HDAC9: variants seen among roughly 807,000 people sequenced by gnomAD.
HDAC9 encodes MEF-2 interacting transcription repressor (MITR) protein.
Under a neutral mutation model 139.4 loss-of-function variants are expected in HDAC9, and 41 were observed. The observed-to-expected ratio is 0.29, with a 90% confidence interval of 0.23 to 0.38. HDAC9 has a LOEUF of 0.38. HDAC9 is among the 10% of genes least tolerant of loss of function. The pLI is 1.00. For synonymous variants in HDAC9, 517 were observed against 476.2 expected (o/e 1.09, Z -1.12); for missense variants, 1,147 against 1,297.0 (o/e 0.88, Z 1.78).
intron 6 of HDAC9, among the ~76,000 whole-genome samples, chr7:18,628,602 G>A (rs1195342225): frequency 6.6e-6 from 1 of 152,090 alleles, no homozygotes; most frequent in Non-Finnish European, 1.5e-5. Context: ...GTGAAGCTCT[G>A]TAATAAGCTT....
intron 1 of HDAC9, among the ~76,000 whole-genome samples, chr7:18,386,108 A>T (rs1374757740): frequency 6.6e-6 from 1 of 152,150 alleles, no homozygotes; most frequent in East Asian, 1.9e-4. Flanking sequence ...CTCTCTGGTG[A>T]AAGCCATTCA....
chr7:18,181,531 G>C (rs189118544), intron 2 of HDAC9, among the ~76,000 whole-genome samples: 4 of 152,308 alleles, frequency 2.6e-5, no homozygotes, highest in Admixed American at 6.5e-5. Context: ...GTGTAGTGTA[G>C]CCTGTGGACC....
At chr7:18,094,126 G>A (rs949615387) in intron 1 of HDAC9, among the ~76,000 whole-genome samples, 1 of 152,154 alleles carries the variant, frequency 6.6e-6, no homozygotes, top group Non-Finnish European at 1.5e-5. Context: ...CACACCTATG[G>A]ACTACTCCAC....
chr7:18,189,274 GT>G (rs1790152020), intron 2 of HDAC9, among the ~76,000 whole-genome samples: 1 of 150,590 alleles, frequency 6.6e-6, no homozygotes, highest in Non-Finnish European at 1.5e-5. Flanking sequence ...GTTCTCACTC[GT>G]AAGCAGGAGT....
At chr7:18,158,673 A>G (rs1339799838) in intron 1 of HDAC9, among the ~76,000 whole-genome samples, 1 of 152,148 alleles carries the variant, frequency 6.6e-6, no homozygotes, top group African/African-American at 2.4e-5. Flanking sequence ...CAGAAGAGAT[A>G]CTCCATGTGC....
chr7:18,472,846 GC>G (rs1197672287), intron 1 of HDAC9, among the ~76,000 whole-genome samples: 1 of 152,164 alleles, frequency 6.6e-6, no homozygotes, highest in Non-Finnish European at 1.5e-5. Context: ...TAGAGTGTAT[GC>G]CCCAGGAGGG....
At chr7:18,265,411 G>C (rs190574772) in intron 2 of HDAC9, among the ~76,000 whole-genome samples, 5 of 152,192 alleles carry the variant, frequency 3.3e-5, no homozygotes, top group African/African-American at 1.2e-4. Flanking sequence ...TATTTAGAAC[G>C]CCAGAGTACC....
upstream of HDAC9, among the ~76,000 whole-genome samples, chr7:18,289,187 T>C (rs1213546195): frequency 6.6e-6 from 1 of 152,152 alleles, no homozygotes; most frequent in Non-Finnish European, 1.5e-5. Context: ...AATTGTGCAG[T>C]TTTTGTTCTT....
chr7:18,787,566 A>T (rs1045849410), intron 16 of HDAC9, among the ~76,000 whole-genome samples: 1 of 152,234 alleles, frequency 6.6e-6, no homozygotes, highest in Non-Finnish European at 1.5e-5. Flanking sequence ...TACTGTTTTT[A>T]GAATGGTACA....
intron 22 of HDAC9, among the ~76,000 whole-genome samples, chr7:18,889,113 C>T (rs1468324512): frequency 6.6e-6 from 1 of 152,188 alleles, no homozygotes; most frequent in East Asian, 1.9e-4. Flanking sequence ...CTACTCTATG[C>T]TCCTCTGCCA....
intron 1 of HDAC9, among the ~76,000 whole-genome samples, chr7:18,374,724 T>A (rs543302619): frequency 7.4e-4 from 113 of 152,108 alleles, no homozygotes; most frequent in Non-Finnish European, 1.4e-3. Flanking sequence ...TTTATATATA[T>A]AAAATATATA....
intron 2 of HDAC9, among the ~76,000 whole-genome samples, chr7:18,526,839 A>G (rs1807097452): frequency 6.6e-6 from 1 of 152,178 alleles, no homozygotes; most frequent in South Asian, 2.1e-4. Context: ...CATGGAGCAT[A>G]GTAACTAATT....
At chr7:18,384,902 A>T (rs1785774786) in intron 1 of HDAC9, among the ~76,000 whole-genome samples, 1 of 143,716 alleles carries the variant, frequency 7.0e-6, no homozygotes, top group African/African-American at 2.5e-5. Flanking sequence ...CAAGGAGGTG[A>T]TTAGATAGAC....
intron 15 of HDAC9, among the ~76,000 whole-genome samples, chr7:18,764,766 G>A (rs886079857): frequency 6.6e-6 from 1 of 151,968 alleles, no homozygotes; most frequent in Non-Finnish European, 1.5e-5. Flanking sequence ...ACATCCCCCA[G>A]TTCCTCCCAA....
intron 1 of HDAC9, among the ~76,000 whole-genome samples, chr7:18,305,538 G>A (rs550855176): frequency 4.6e-5 from 7 of 152,206 alleles, no homozygotes; most frequent in African/African-American, 1.7e-4. Flanking sequence ...CAACCCATAT[G>A]TGTCCAAAGA....
At chr7:18,441,867 A>G (rs1023889967) in intron 1 of HDAC9, among the ~76,000 whole-genome samples, 1 of 152,118 alleles carries the variant, frequency 6.6e-6, no homozygotes, top group African/African-American at 2.4e-5. Flanking sequence ...TCCCGGGTTC[A>G]CGCCATTCTC....
intron 2 of HDAC9, among the ~76,000 whole-genome samples, chr7:18,547,628 C>A (rs1055690081): frequency 2.6e-5 from 4 of 151,886 alleles, no homozygotes; most frequent in Admixed American, 6.6e-5. Flanking sequence ...GCAAGTAATG[C>A]TGATGTGGTT....
intron 2 of HDAC9, among the ~76,000 whole-genome samples, chr7:18,273,016 C>T (rs1385721364): frequency 6.8e-6 from 1 of 148,084 alleles, no homozygotes; most frequent in Non-Finnish European, 1.5e-5. Flanking sequence ...TCTTCTTCCT[C>T]CTCCTCCTCC....
intron 1 of HDAC9, among the ~76,000 whole-genome samples, chr7:18,436,964 A>C (rs1055072209): frequency 6.6e-6 from 1 of 152,222 alleles, no homozygotes; most frequent in Non-Finnish European, 1.5e-5. Flanking sequence ...TTTAGGATGA[A>C]GGTCATGTAA....
Sources: allele counts gnomAD v4.1 joint callset (sites outside exome capture counted in the v4.1 genomes callset), GRCh38; gene constraint gnomAD v4.1.1; transcripts MANE v1.5; gene names NCBI Gene and HGNC (gene_info 2026-07-23, HGNC 2026-07-21).